The following EYA2 variants were observed in gnomAD, a reference collection of about 807,000 sequenced individuals.
EYA2 encodes protein phosphatase EYA2.
In EYA2, 31 loss-of-function variants were observed where a neutral mutation model predicts 69.2. That is an observed-to-expected ratio of 0.45 (90% CI 0.34 to 0.60). EYA2 has a LOEUF of 0.60. Ranked by LOEUF, EYA2 falls within the 20% of genes least tolerant of loss-of-function variation. The probability of loss-of-function intolerance (pLI) is 0.02; values close to 1 mark genes in which losing one functional copy is unlikely to be tolerated. For missense variants in EYA2, 622 were observed against 701.2 expected (o/e 0.89, Z 1.28); for synonymous variants, 257 against 279.4 (o/e 0.92, Z 0.80).
intron 1 of EYA2, chr20:46,978,558 A>G: frequency 1.9e-6 from 1 of 534,814 alleles, no homozygotes; most frequent in Non-Finnish European, 3.8e-6. Flanking sequence ...AGGAGAAGCC[A>G]GATCAAGGCT....
At chr20:46,898,559 G>T (rs1363150154) in intron 1 of EYA2, among the ~76,000 whole-genome samples, 1 of 152,134 alleles carries the variant, frequency 6.6e-6, no homozygotes, top group Non-Finnish European at 1.5e-5. Context: ...AAAACAAAAA[G>T]AAGATTCTGG....
intron 9 of EYA2, among the ~76,000 whole-genome samples, chr20:47,124,916 A>T (rs745664908): frequency 6.6e-6 from 1 of 152,020 alleles, no homozygotes; most frequent in Non-Finnish European, 1.5e-5. Flanking sequence ...GTTGCACAAA[A>T]CCCCAAAAGA....
At chr20:47,078,499 C>T (rs117502856) in intron 7 of EYA2, among the ~76,000 whole-genome samples, 2,041 of 152,312 alleles carry the variant, frequency 0.013, 22 homozygotes, top group South Asian at 0.023. Context: ...GTGTGCACTG[C>T]CTGGATATAG....
At chr20:47,089,889 G>T (rs2032019903) in intron 8 of EYA2, among the ~76,000 whole-genome samples, 1 of 151,940 alleles carries the variant, frequency 6.6e-6, no homozygotes, top group South Asian at 2.1e-4. Flanking sequence ...CAATTGAAAA[G>T]ACTCACTGGA....
At chr20:46,997,196 G>C (rs1448470548) in intron 2 of EYA2, among the ~76,000 whole-genome samples, 1 of 152,180 alleles carries the variant, frequency 6.6e-6, no homozygotes, top group East Asian at 1.9e-4. Flanking sequence ...GCTCAGCCCA[G>C]AGAACTCACT....
At chr20:46,950,284 G>A (rs1212007) in intron 1 of EYA2, among the ~76,000 whole-genome samples, 62,664 of 152,022 alleles carry the variant, frequency 0.41, 13,464 homozygotes, top group Non-Finnish European at 0.47. Flanking sequence ...ACCTTGCAGC[G>A]ATGTTCCCCT....
chr20:47,015,917 C>T (rs1600641406), intron 4 of EYA2, among the ~76,000 whole-genome samples: 1 of 152,328 alleles, frequency 6.6e-6, no homozygotes, highest in East Asian at 1.9e-4. Context: ...TCTTGTCATT[C>T]AAAAAGAAGC....
chr20:47,002,846 A>G (rs936202716), intron 3 of EYA2, among the ~76,000 whole-genome samples: 2 of 152,208 alleles, frequency 1.3e-5, no homozygotes, highest in African/African-American at 4.8e-5. Context: ...TCCAGCTCAA[A>G]TGAGTTTCTT....
chr20:46,954,580 C>T (rs1394103572), intron 1 of EYA2, among the ~76,000 whole-genome samples: 3 of 152,236 alleles, frequency 2.0e-5, no homozygotes, highest in Admixed American at 1.3e-4. Flanking sequence ...TATGCCACCT[C>T]TCTCCACAAA....
At chr20:46,938,112 T>C (rs1985999043) in intron 1 of EYA2, among the ~76,000 whole-genome samples, 2 of 152,204 alleles carry the variant, frequency 1.3e-5, no homozygotes, top group Admixed American at 6.5e-5. Flanking sequence ...GCAGCTCAGC[T>C]CCAAAATTTG....
chr20:47,050,118 G>T (rs6124934), intron 5 of EYA2, among the ~76,000 whole-genome samples: 11 of 152,006 alleles, frequency 7.2e-5, no homozygotes, highest in African/African-American at 2.4e-4. Context: ...CGAGTGCCTC[G>T]TAAGATCACA....
intron 10 of EYA2, among the ~76,000 whole-genome samples, chr20:47,146,324 T>A (rs889350816): frequency 2.0e-5 from 3 of 152,072 alleles, no homozygotes; most frequent in African/African-American, 7.2e-5. Flanking sequence ...TTGTGGATCT[T>A]GGTTGAACCT....
chr20:46,897,797 C>T (rs562144158), intron 1 of EYA2, among the ~76,000 whole-genome samples: 7 of 152,260 alleles, frequency 4.6e-5, no homozygotes, highest in Admixed American at 3.9e-4. Context: ...CGCACATGAT[C>T]GCAGAGCGGA....
intron 1 of EYA2, among the ~76,000 whole-genome samples, chr20:46,932,232 G>GT (rs2146252436): frequency 6.6e-6 from 1 of 152,080 alleles, no homozygotes; most frequent in South Asian, 2.1e-4. Flanking sequence ...GGCTCAGTCC[G>GT]TCTACTTCCT....
chr20:47,057,299 G>C (rs1379856588), intron 5 of EYA2, among the ~76,000 whole-genome samples: 1 of 152,206 alleles, frequency 6.6e-6, no homozygotes, highest in East Asian at 1.9e-4. Context: ...GGGCTTGCCA[G>C]CTGCAGCCAG....
chr20:46,908,807 A>G (rs916750688), intron 1 of EYA2, among the ~76,000 whole-genome samples: 2 of 149,276 alleles, frequency 1.3e-5, no homozygotes, highest in African/African-American at 4.9e-5. Flanking sequence ...TCCCTCTCCC[A>G]AACATCGACA....
chr20:47,061,247 C>T (rs1351430510), intron 5 of EYA2, among the ~76,000 whole-genome samples: 1 of 152,162 alleles, frequency 6.6e-6, no homozygotes, highest in African/African-American at 2.4e-5. Flanking sequence ...GAAAATCAGG[C>T]CTGGCATGCT....
intron 5 of EYA2, among the ~76,000 whole-genome samples, chr20:47,039,111 TCACA>T (rs11467574): frequency 1.6e-4 from 24 of 149,832 alleles, no homozygotes; most frequent in Non-Finnish European, 2.2e-4. Context: ...GATGTCGAAA[TCACA>T]CACACACACA....
intron 1 of EYA2, among the ~76,000 whole-genome samples, chr20:46,922,326 A>C (rs1395100890): frequency 6.6e-6 from 1 of 152,216 alleles, no homozygotes; most frequent in Non-Finnish European, 1.5e-5. Flanking sequence ...TCTCTGGTAG[A>C]TAAGAGAGGA....
Sources: gnomAD v4.1 joint callset for allele counts (sites outside exome capture counted in the v4.1 genomes callset) on GRCh38, gnomAD v4.1.1 for gene constraint, MANE v1.5 for transcripts, NCBI Gene and HGNC (gene_info 2026-07-23, HGNC 2026-07-21) for gene names.